ATE1: variants seen among roughly 807,000 people sequenced by gnomAD.
The protein encoded by ATE1 is arginyl-tRNA--protein transferase 1.
In ATE1, 36 loss-of-function variants were observed where a neutral mutation model predicts 70.5. The ratio of observed to expected loss-of-function variants is 0.51; its 90% CI spans 0.39 to 0.67. ATE1 has a LOEUF of 0.67. ATE1 is among the 30% of genes least tolerant of loss of function. The pLI, the probability that ATE1 is intolerant of heterozygous loss-of-function variation, is 0.00. For missense variants in ATE1, 593 were observed against 629.5 expected (o/e 0.94, Z 0.62); for synonymous variants, 232 against 219.3 (o/e 1.06, Z -0.51).
intron 8 of ATE1, among the ~76,000 whole-genome samples, chr10:121,866,173 C>T (rs1263056977): frequency 6.6e-6 from 1 of 152,154 alleles, no homozygotes; most frequent in Non-Finnish European, 1.5e-5. Flanking sequence ...TATGTGGTGG[C>T]AAAGGAACAG....
intron 11 of ATE1, among the ~76,000 whole-genome samples, chr10:121,762,472 G>GA (rs902035879): frequency 1.2e-4 from 18 of 152,112 alleles, no homozygotes; most frequent in African/African-American, 4.1e-4. Flanking sequence ...TAACATTGAT[G>GA]AAAAAAAATG....
chr10:121,855,338 T>C (rs1165567480), intron 8 of ATE1, among the ~76,000 whole-genome samples: 1 of 152,244 alleles, frequency 6.6e-6, no homozygotes, highest in African/African-American at 2.4e-5. Context: ...ATTTCATTTA[T>C]GGTCTCTGTT....
In ATE1 at chr10:121,870,091, AG is replaced by A. The variant is rs1949799489; in HGVS notation, c.943-54del. On this transcript the variant is annotated intron_variant, in intron 7 of 11. Transcript: ENST00000224652. ...TTCATCCAGTAAACAGACGGCAAAA[AG>A]GAACACAGAGAAAAAGAAAAAATTA... is the stretch of plus-strand genomic sequence containing the variant. The A allele has an allele frequency of 2.6e-6, 4 of 1,537,022 alleles. No individual in the cohort carries two copies. The Admixed American group carries it at 6.9e-5, about 27-fold the overall frequency.
intron 8 of ATE1, among the ~76,000 whole-genome samples, chr10:121,856,552 A>G (rs1349020803): frequency 6.6e-6 from 1 of 152,214 alleles, no homozygotes; most frequent in Non-Finnish European, 1.5e-5. Flanking sequence ...GTAATAATAT[A>G]GACATCTTGC....
At chr10:121,838,570 C>T (rs540882388) in intron 9 of ATE1, among the ~76,000 whole-genome samples, 15 of 152,114 alleles carry the variant, frequency 9.9e-5, no homozygotes, top group Non-Finnish European at 1.8e-4. Context: ...CTGTTCTCTA[C>T]GAGGAAAGAC....
intron 7 of ATE1, among the ~76,000 whole-genome samples, chr10:121,892,612 T>C (rs932640268): frequency 1.3e-5 from 2 of 151,686 alleles, no homozygotes; most frequent in African/African-American, 4.8e-5. Flanking sequence ...GTTGGAGTAA[T>C]TCTCCTGCCT....
intron 7 of ATE1, chr10:121,899,064 C>T (rs1950880263): frequency 6.4e-6 from 9 of 1,399,026 alleles, no homozygotes; most frequent in South Asian, 1.5e-5. Context: ...CACAAATCCA[C>T]GCCAAAGCTC....
At chr10:121,810,246 G>C (rs1180970852) in intron 10 of ATE1, among the ~76,000 whole-genome samples, 1 of 151,994 alleles carries the variant, frequency 6.6e-6, no homozygotes, top group Admixed American at 6.6e-5. Flanking sequence ...AGCCTTTCGG[G>C]GTAACTGCTA....
intron 11 of ATE1, among the ~76,000 whole-genome samples, chr10:121,748,465 C>G (rs892883838): frequency 2.0e-5 from 3 of 152,122 alleles, no homozygotes; most frequent in Non-Finnish European, 2.9e-5. Context: ...TATAAAATTA[C>G]ACACTGTCAT....
At chr10:121,797,857 G>A (rs1299348505) in intron 10 of ATE1, among the ~76,000 whole-genome samples, 2 of 152,034 alleles carry the variant, frequency 1.3e-5, no homozygotes, top group Non-Finnish European at 2.9e-5. Flanking sequence ...CCTCCCTACC[G>A]TTTTACTTCC....
intron 11 of ATE1, among the ~76,000 whole-genome samples, chr10:121,774,985 C>T (rs1205948485): frequency 6.6e-6 from 1 of 152,122 alleles, no homozygotes; most frequent in African/African-American, 2.4e-5. Flanking sequence ...AAGGTCACAC[C>T]TTTCTCAAAA....
chr10:121,861,188 A>G (rs1949454060), intron 8 of ATE1, among the ~76,000 whole-genome samples: 1 of 152,168 alleles, frequency 6.6e-6, no homozygotes, highest in South Asian at 2.1e-4. Context: ...AGACTGACCC[A>G]GCCAAAAGAT....
At chr10:121,885,305 C>T (rs1483751621) in intron 7 of ATE1, among the ~76,000 whole-genome samples, 1 of 144,078 alleles carries the variant, frequency 6.9e-6, no homozygotes, top group African/African-American at 2.6e-5. Context: ...CGCGGTGGCT[C>T]ACACTTGTAA....
At chr10:121,878,373 G>A (rs967657198) in intron 7 of ATE1, among the ~76,000 whole-genome samples, 1 of 151,972 alleles carries the variant, frequency 6.6e-6, no homozygotes, top group East Asian at 1.9e-4. Context: ...CGGGTAGACT[G>A]CTTGAGGCCA....
At chr10:121,899,396 T>C (rs752269467) in intron 7 of ATE1, among the ~76,000 whole-genome samples, 2 of 152,226 alleles carry the variant, frequency 1.3e-5, no homozygotes. Context: ...TGTTCTACTA[T>C]CTTCCTTTTT....
At chr10:121,791,910 G>A (rs1946468516) in intron 10 of ATE1, among the ~76,000 whole-genome samples, 1 of 152,234 alleles carries the variant, frequency 6.6e-6, no homozygotes, top group Non-Finnish European at 1.5e-5. Context: ...GAGCTCGGCA[G>A]TGATTCTGTT....
At chr10:121,808,874 G>C (rs1276953572) in intron 10 of ATE1, among the ~76,000 whole-genome samples, 1 of 152,168 alleles carries the variant, frequency 6.6e-6, no homozygotes, top group Non-Finnish European at 1.5e-5. Context: ...TTCCCAATGT[G>C]AAATCCAAAG....
At chr10:121,904,457 C>T (rs1450588401) in intron 5 of ATE1, among the ~76,000 whole-genome samples, 8 of 150,782 alleles carry the variant, frequency 5.3e-5, no homozygotes, top group African/African-American at 1.2e-4. Flanking sequence ...CTGGCTAACA[C>T]GGTGAAACCC....
intron 11 of ATE1, among the ~76,000 whole-genome samples, chr10:121,771,358 C>T (rs1342308463): frequency 1.3e-5 from 2 of 152,150 alleles, no homozygotes; most frequent in African/African-American, 2.4e-5. Context: ...TGTGAGCCAC[C>T]GTGCCCGGCC....
Sources: gnomAD v4.1 joint callset for allele counts (sites outside exome capture counted in the v4.1 genomes callset) on GRCh38, gnomAD v4.1.1 for gene constraint, MANE v1.5 for transcripts, NCBI Gene and HGNC (gene_info 2026-07-23, HGNC 2026-07-21) for gene names.